NEGR1: variants seen among roughly 807,000 people sequenced by gnomAD.
NEGR1 encodes neuronal growth regulator 1.
NEGR1 carries 10 observed loss-of-function variants against 40.9 expected under a neutral mutation model. The ratio of observed to expected loss-of-function variants is 0.24; its 90% CI spans 0.15 to 0.42. The LOEUF (loss-of-function observed/expected upper bound fraction) is 0.42, where lower values mean the gene tolerates loss of function less well. Among genes scored for constraint, NEGR1 ranks in the 10% least tolerant of loss-of-function variants. The pLI, the probability that NEGR1 is intolerant of heterozygous loss-of-function variation, is 1.00. For synonymous variants in NEGR1, 185 were observed against 166.8 expected, an observed-to-expected ratio of 1.11 and a Z score of -0.84; for missense variants, 352 against 438.9, an observed-to-expected ratio of 0.80 and a Z score of 1.77.
At chr1:71,411,559 G>C (rs1396819318) in intron 6 of NEGR1, among the ~76,000 whole-genome samples, 1 of 152,154 alleles carries the variant, frequency 6.6e-6, no homozygotes, top group African/African-American at 2.4e-5. Flanking sequence ...GGCAGTATAG[G>C]TCATGTGATC....
intron 2 of NEGR1, among the ~76,000 whole-genome samples, chr1:71,778,337 G>A (rs1317375103): frequency 1.3e-5 from 2 of 152,088 alleles, no homozygotes; most frequent in East Asian, 3.9e-4. Context: ...TTCATTTTCA[G>A]TATAGTATTT....
chr1:71,546,757 T>C (rs1647910223), intron 6 of NEGR1, among the ~76,000 whole-genome samples: 1 of 151,640 alleles, frequency 6.6e-6, no homozygotes, highest in Admixed American at 6.6e-5. Flanking sequence ...ACTTAATACT[T>C]AAGCAGTGAT....
chr1:72,265,825 T>G (rs1161956153), intron 1 of NEGR1, among the ~76,000 whole-genome samples: 2 of 150,794 alleles, frequency 1.3e-5, no homozygotes, highest in Non-Finnish European at 1.5e-5. Flanking sequence ...CAAAATAATT[T>G]TCCAACTCTG....
chr1:71,742,505 C>G (rs186854150), intron 3 of NEGR1, among the ~76,000 whole-genome samples: 3 of 152,130 alleles, frequency 2.0e-5, no homozygotes, highest in African/African-American at 7.2e-5. Context: ...TATTCTTAAG[C>G]CTTATATCTC....
At chr1:71,660,550 AGTATGTTTTT>A (rs1353487329) in intron 4 of NEGR1, among the ~76,000 whole-genome samples, 5 of 152,210 alleles carry the variant, frequency 3.3e-5, no homozygotes, top group African/African-American at 9.6e-5. Context: ...GCTCATAGAA[AGTATGTTTTT>A]GTAATTCATT....
chr1:72,145,226 T>C lies in NEGR1; in HGVS notation c.176+137093A>G, dbSNP rs142009798. Among the ~76,000 whole-genome samples, 521 of 152,260 alleles carry C rather than the reference T, an allele frequency of 3.4e-3. 8 individuals carry two copies. The highest frequency in any genetic ancestry group is 8.5e-4 in the Non-Finnish European group (58 of 68,004). ...AGATAACACTAATACATGTCAATTA[T>C]CTGAATAGTAAGTAGAAAGATATGC... On this transcript the variant is annotated intron_variant, in intron 1 of 6. Coordinates refer to ENST00000357731, the MANE Select transcript of NEGR1 (RefSeq NM_173808.3).
intron 1 of NEGR1, among the ~76,000 whole-genome samples, chr1:72,107,878 T>C (rs921491530): frequency 1.3e-5 from 2 of 151,534 alleles, no homozygotes; most frequent in African/African-American, 2.4e-5. Context: ...CACTTAAGTC[T>C]GTGCCATTCT....
At chr1:72,158,801 T>A (rs1356531982) in intron 1 of NEGR1, among the ~76,000 whole-genome samples, 1 of 152,180 alleles carries the variant, frequency 6.6e-6, no homozygotes, top group Non-Finnish European at 1.5e-5. Context: ...TCTTAGTTGA[T>A]CTAGTGATCC....
chr1:71,992,377 T>C (rs758655957), intron 1 of NEGR1, among the ~76,000 whole-genome samples: 5 of 152,128 alleles, frequency 3.3e-5, no homozygotes, highest in South Asian at 2.1e-4. Flanking sequence ...CAGTACTGTA[T>C]GGTATTCTTA....
In NEGR1 at chr1:71,399,761, T is replaced by TTGTCAAGTACTTGGTAGGGAGA. The variant is rs1553138619; in HGVS notation, c.*7663_*7684dup. 9.9e-5 allele frequency: 15 copies of TTGTCAAGTACTTGGTAGGGAGA among 152,188 alleles called. No individual in the cohort carries two copies. The highest frequency in any genetic ancestry group is 4.4e-5 in the Non-Finnish European group (3 of 68,036). 9.4% of individuals were successfully genotyped at this position (152,188 alleles called of 1,614,324 possible). ...ATTGAACACATTTTTGCCAGGTCAC[T>TTGTCAAGTACTTGGTAGGGAGA]TGTCAAGTACTTGGTAGGGAGATGT... is the stretch of plus-strand genomic sequence containing the variant. On this transcript the variant is annotated 3_prime_UTR_variant, in exon 7 of 7. Transcript: ENST00000357731.
chr1:71,696,394 T>C lies in NEGR1; in HGVS notation c.667+1614A>G, dbSNP rs529614514. 4.6e-5 allele frequency among the ~76,000 whole-genome samples: 7 copies of C among 151,910 alleles called. No individual in the cohort carries two copies. The East Asian group carries it at 1.4e-3, about 29-fold the overall frequency. ...AGCTGGGTTTTCAATTTCATCCCTATCAGAGACATCGTTTTAAAGACCTCT... is the reference window on the plus strand; with the variant it reads ...AGCTGGGTTTTCAATTTCATCCCTACCAGAGACATCGTTTTAAAGACCTCT... On this transcript the variant is annotated intron_variant, in intron 4 of 6. Coordinates refer to ENST00000357731, the MANE Select transcript of NEGR1 (RefSeq NM_173808.3).
At chr1:71,512,924 G>T (rs556822816) in intron 6 of NEGR1, among the ~76,000 whole-genome samples, 6 of 152,154 alleles carry the variant, frequency 3.9e-5, no homozygotes, top group African/African-American at 1.4e-4. Flanking sequence ...TAAGCTATAG[G>T]AATAAGATAC....
At chr1:71,539,375 CA>C (rs1380362914) in intron 6 of NEGR1, among the ~76,000 whole-genome samples, 1 of 151,560 alleles carries the variant, frequency 6.6e-6, no homozygotes, top group African/African-American at 2.4e-5. Flanking sequence ...AACAGATTGC[CA>C]AAAAATATTT....
chr1:72,230,474 T>C (rs891190382), intron 1 of NEGR1, among the ~76,000 whole-genome samples: 6 of 152,088 alleles, frequency 3.9e-5, no homozygotes, highest in African/African-American at 1.4e-4. Flanking sequence ...TCCTCCAAAA[T>C]GTAAATCAAA....
chr1:71,801,673 A>G (rs1657564637), intron 2 of NEGR1, among the ~76,000 whole-genome samples: 1 of 152,106 alleles, frequency 6.6e-6, no homozygotes. Context: ...AGAGCCTCCT[A>G]ACTTCATCTG....
At chr1:72,093,925 A>G (rs1430602700) in intron 1 of NEGR1, among the ~76,000 whole-genome samples, 1 of 152,238 alleles carries the variant, frequency 6.6e-6, no homozygotes, top group Non-Finnish European at 1.5e-5. Flanking sequence ...GATGTGATTA[A>G]TTCATTTTTT....
At chr1:71,477,839 A>C (rs967223765) in intron 6 of NEGR1, among the ~76,000 whole-genome samples, 1 of 151,968 alleles carries the variant, frequency 6.6e-6, no homozygotes, top group Non-Finnish European at 1.5e-5. Context: ...AATTACTTAC[A>C]AAGAGACTGA....
At position 71,507,027 on chromosome 1, in the gene NEGR1, A is replaced by G. The variant is rs541475985; in HGVS notation, c.940+85790T>C. On this transcript the variant is annotated intron_variant, in intron 6 of 6. Coordinates refer to ENST00000357731, the MANE Select transcript of NEGR1 (RefSeq NM_173808.3). ...GTACACACTTAAAAAAATCTGGACA[A>G]AGCAGGGTCTAATAAATAGGAGGGG... Among the ~76,000 whole-genome samples the G allele has an allele frequency of 4.6e-5, 7 of 152,328 alleles. No individual in the cohort carries two copies. The East Asian group carries it at 1.4e-3, about 29-fold the overall frequency.
intron 6 of NEGR1, among the ~76,000 whole-genome samples, chr1:71,483,387 A>G (rs1646866995): frequency 6.6e-6 from 1 of 151,698 alleles, no homozygotes; most frequent in Admixed American, 6.6e-5. Flanking sequence ...TTAGGAATAG[A>G]GTGTATGAGG....
Sources: gnomAD v4.1 joint callset for allele counts (sites outside exome capture counted in the v4.1 genomes callset) on GRCh38, gnomAD v4.1.1 for gene constraint, MANE v1.5 for transcripts, NCBI Gene and HGNC (gene_info 2026-07-23, HGNC 2026-07-21) for gene names.